SHQ1: variants seen among roughly 807,000 people sequenced by gnomAD.
SHQ1 encodes protein SHQ1 homolog.
In SHQ1, 49 loss-of-function variants were observed where a neutral mutation model predicts 53.8. That is an observed-to-expected ratio of 0.91 (90% CI 0.72 to 1.16). SHQ1 has a LOEUF of 1.16. Among genes scored for constraint, SHQ1 ranks in the 50% most tolerant of loss-of-function variants. The pLI is 0.00. For missense variants in SHQ1, 738 were observed against 683.1 expected, an observed-to-expected ratio of 1.08 and a Z score of -0.90; for synonymous variants, 243 against 251.0, an observed-to-expected ratio of 0.97 and a Z score of 0.30.
chr3:72,785,902 A>G (rs1428919408), intron 10 of SHQ1, among the ~76,000 whole-genome samples: 1 of 152,160 alleles, frequency 6.6e-6, no homozygotes, highest in Non-Finnish European at 1.5e-5. Context: ...CTGTGCTCCA[A>G]ATGTTCCTGG....
At chr3:72,747,968 G>A (rs1705284709), downstream of SHQ1, among the ~76,000 whole-genome samples, 1 of 151,392 alleles carries the variant, frequency 6.6e-6, no homozygotes, top group African/African-American at 2.4e-5. Context: ...CAGCCTGAGT[G>A]ACAGAACAAG....
chr3:72,772,242 A>T (rs1229832636), intron 10 of SHQ1, among the ~76,000 whole-genome samples: 4 of 151,678 alleles, frequency 2.6e-5, no homozygotes, highest in Non-Finnish European at 1.5e-5. Context: ...AAAAAGCTCC[A>T]GTTTATGGCA....
At chr3:72,751,535 T>TACACAC (rs1553688184) in intron 10 of SHQ1, among the ~76,000 whole-genome samples, 12 of 139,972 alleles carry the variant, frequency 8.6e-5, no homozygotes, top group African/African-American at 1.2e-4. Context: ...TATATACATA[T>TACACAC]ACATACACTA....
the SHQ1 span, among the ~76,000 whole-genome samples, chr3:72,734,891 C>T: frequency 2.0e-5 from 3 of 151,720 alleles, no homozygotes; most frequent in African/African-American, 7.3e-5. Flanking sequence ...ACCTGATCCC[C>T]TCATCCTAGA....
intron 10 of SHQ1, among the ~76,000 whole-genome samples, chr3:72,754,384 CTT>C (rs376060192): frequency 7.8e-5 from 11 of 140,888 alleles, no homozygotes; most frequent in Non-Finnish European, 9.2e-5. Context: ...TTTTCTTCTT[CTT>C]TTTTTTTTTT....
At chr3:72,753,262 G>T (rs1575673383) in intron 10 of SHQ1, 1 of 985,394 alleles carries the variant, frequency 1.0e-6, no homozygotes, top group Non-Finnish European at 1.2e-6. Context: ...GAGACAAACT[G>T]GATGACGGTG....
intron 6 of SHQ1, among the ~76,000 whole-genome samples, chr3:72,820,144 C>T (rs1334614434): frequency 6.6e-6 from 1 of 152,216 alleles, no homozygotes; most frequent in Non-Finnish European, 1.5e-5. Context: ...CAACTCTCTA[C>T]ATATTTATGC....
chr3:72,729,086 G>C, the SHQ1 span, among the ~76,000 whole-genome samples: 3 of 152,238 alleles, frequency 2.0e-5, no homozygotes, highest in African/African-American at 7.2e-5. Context: ...CCTCTTTGCT[G>C]AGTAAACTGA....
At chr3:72,730,288 T>C in the SHQ1 span, among the ~76,000 whole-genome samples, 6 of 152,222 alleles carry the variant, frequency 3.9e-5, no homozygotes, top group African/African-American at 1.4e-4. Flanking sequence ...GATAATTTTT[T>C]ATTTTGTGTA....
At chr3:72,806,153 T>C (rs1706937424) in intron 9 of SHQ1, among the ~76,000 whole-genome samples, 1 of 152,180 alleles carries the variant, frequency 6.6e-6, no homozygotes, top group Non-Finnish European at 1.5e-5. Flanking sequence ...ACTGGGAACA[T>C]AGACTTGTAC....
At position 72,804,625 on chromosome 3, in the gene SHQ1, A is replaced by G. The variant is rs180875501; in HGVS notation, c.1060+8046T>C. Among the ~76,000 whole-genome samples the G allele has an allele frequency of 3.9e-5, 6 of 152,374 alleles. No homozygotes were observed. The East Asian group carries it at 1.2e-3, about 29-fold the overall frequency. On this transcript the variant is annotated intron_variant, in intron 9 of 10. Coordinates refer to ENST00000325599, the MANE Select transcript of SHQ1 (RefSeq NM_018130.3). Reference sequence around the variant, plus strand: ...TGTTATACTCCCTTGCACGGAGAATAGATTTGATTCATGTCTGCTGAATAA... The same window carrying G: ...TGTTATACTCCCTTGCACGGAGAATGGATTTGATTCATGTCTGCTGAATAA...
At chr3:72,733,946 G>A in the SHQ1 span, among the ~76,000 whole-genome samples, 11 of 151,438 alleles carry the variant, frequency 7.3e-5, no homozygotes, top group Non-Finnish European at 2.9e-5. Context: ...TGAATGGGCT[G>A]ATCACTTGAG....
chr3:72,734,690 C>T, the SHQ1 span, among the ~76,000 whole-genome samples: 1 of 151,612 alleles, frequency 6.6e-6, no homozygotes, highest in Non-Finnish European at 1.5e-5. Context: ...TGTACTAAGT[C>T]AGACCTATAG....
chr3:72,741,264 T>A, the SHQ1 span, among the ~76,000 whole-genome samples: 1 of 152,010 alleles, frequency 6.6e-6, no homozygotes, highest in African/African-American at 2.4e-5. Context: ...CAAAGTCCCT[T>A]CCATTGGCAG....
At chr3:72,827,888 G>C (rs1707708412) in intron 5 of SHQ1, among the ~76,000 whole-genome samples, 6 of 151,764 alleles carry the variant, frequency 4.0e-5, no homozygotes, top group Admixed American at 3.9e-4. Flanking sequence ...CCAAGTAGCG[G>C]GGACTACAGG....
the SHQ1 span, among the ~76,000 whole-genome samples, chr3:72,733,721 G>A: frequency 2.0e-5 from 3 of 151,636 alleles, no homozygotes; most frequent in Admixed American, 1.3e-4. Flanking sequence ...ATCCCAACCT[G>A]CCTTCAAAGC....
intron 10 of SHQ1, among the ~76,000 whole-genome samples, 182 bp from the exon 11 acceptor site, chr3:72,751,018 AAC>A (rs1403709330): frequency 3.3e-5 from 5 of 152,236 alleles, no homozygotes; most frequent in Non-Finnish European, 7.3e-5. Flanking sequence ...ATTACAGGGA[AAC>A]ACAGATTTCT....
At chr3:72,824,143 C>A (rs927597444) in intron 6 of SHQ1, among the ~76,000 whole-genome samples, 3 of 152,074 alleles carry the variant, frequency 2.0e-5, no homozygotes, top group African/African-American at 7.2e-5. Flanking sequence ...GTGATAATAT[C>A]CCTAAATTTA....
chr3:72,796,453 T>C (rs937682582), intron 9 of SHQ1, among the ~76,000 whole-genome samples: 7 of 152,156 alleles, frequency 4.6e-5, no homozygotes, highest in Non-Finnish European at 1.0e-4. Flanking sequence ...GAGGCTGCCC[T>C]CTTGCTAAAG....
Sources: allele counts gnomAD v4.1 joint callset (sites outside exome capture counted in the v4.1 genomes callset), GRCh38; gene constraint gnomAD v4.1.1; transcripts MANE v1.5; gene names NCBI Gene and HGNC (gene_info 2026-07-23, HGNC 2026-07-21).